CCDC93: variants seen among roughly 807,000 people sequenced by gnomAD.
The protein encoded by CCDC93 is CCC complex scaffolding subunit CCDC93.
A neutral mutation model predicts 108.2 loss-of-function variants in CCDC93; 61 were observed. The ratio of observed to expected loss-of-function variants is 0.56; its 90% CI spans 0.46 to 0.70. The LOEUF is 0.70. CCDC93 is among the 30% of genes least tolerant of loss of function. The pLI, the probability that CCDC93 is intolerant of heterozygous loss-of-function variation, is 0.00. For missense variants in CCDC93, 685 were observed against 764.2 expected, an observed-to-expected ratio of 0.90 and a Z score of 1.22; for synonymous variants, 276 against 260.4, an observed-to-expected ratio of 1.06 and a Z score of -0.58.
In CCDC93 at chr2:117,915,645, C is replaced by CT. The variant is rs1374012760; in HGVS notation, c.*4697_*4698insA. The CT allele has an allele frequency of 6.6e-6, 1 of 152,136 alleles. No individual in the cohort carries two copies. The highest frequency in any genetic ancestry group is 1.5e-5 in the Non-Finnish European group (1 of 68,020). 9.4% of individuals were successfully genotyped at this position (152,136 alleles called of 1,614,324 possible). On this transcript the variant is annotated 3_prime_UTR_variant, in exon 24 of 24. Transcript: ENST00000376300. ...AAATTCAAAAGGTACAAAAGGTGTA[C>CT]ATTGAAAAGTCATTCCCACCCCTCT...
intron 8 of CCDC93, among the ~76,000 whole-genome samples, chr2:117,976,846 G>A (rs1293087291): frequency 1.3e-5 from 2 of 151,180 alleles, no homozygotes; most frequent in Non-Finnish European, 3.0e-5. Flanking sequence ...GTACAATGGA[G>A]TGGGTGGCAG....
At chr2:118,011,069 C>T (rs894205094) in intron 1 of CCDC93, among the ~76,000 whole-genome samples, 31 of 152,106 alleles carry the variant, frequency 2.0e-4, no homozygotes, top group Admixed American at 1.5e-3. Flanking sequence ...GGGTTTACTC[C>T]TCTGAATCCA....
chr2:117,938,871 G>C (rs1343355941), intron 20 of CCDC93, among the ~76,000 whole-genome samples, 158 bp downstream of exon 20: 8 of 152,178 alleles, frequency 5.3e-5, no homozygotes, highest in Non-Finnish European at 1.5e-5. Context: ...AAGGAATCTT[G>C]CACTTTCTGA....
At chr2:117,973,702 G>T (rs911009705) in intron 11 of CCDC93, among the ~76,000 whole-genome samples, 1 of 152,206 alleles carries the variant, frequency 6.6e-6, no homozygotes, top group African/African-American at 2.4e-5. Flanking sequence ...ACAGAAAAGT[G>T]GGCACTGCAG....
At chr2:117,950,463 C>A (rs537603222) in intron 13 of CCDC93, 20 of 985,306 alleles carry the variant, frequency 2.0e-5, no homozygotes, top group South Asian at 4.7e-5. Context: ...CAGCCTCCCC[C>A]ACAGGTGTCA....
intron 3 of CCDC93, 60 bp from the exon 4 acceptor site, chr2:118,000,992 C>G (rs1680832793): frequency 9.9e-7 from 1 of 1,014,148 alleles, no homozygotes; most frequent in African/African-American, 1.6e-5. Flanking sequence ...TATGGCATCT[C>G]TAAAGTCTGG....
chr2:117,945,511 G>A lies in CCDC93; in HGVS notation c.1350+18C>T. 1 of 1,611,502 alleles carries A rather than the reference G, an allele frequency of 6.2e-7. No individual in the cohort carries two copies. The highest frequency in any genetic ancestry group is 8.5e-7 in the Non-Finnish European group (1 of 1,177,656). On this transcript the variant is annotated intron_variant, in intron 17 of 23. Transcript: ENST00000376300. Reference sequence around the variant, plus strand: ...GCCCTCAGGAGACAATGCCAGTCCTGAGCAGGCAGGTACTTACGTCATGAG... The same window carrying A: ...GCCCTCAGGAGACAATGCCAGTCCTAAGCAGGCAGGTACTTACGTCATGAG...
rs901639299 is a variant in CCDC93, at chr2:117,915,722, C to G, written c.*4621G>C. 9 of 152,174 alleles carry G rather than the reference C, an allele frequency of 5.9e-5. No homozygotes were observed. The highest frequency in any genetic ancestry group is 1.2e-4 in the African/African-American group (5 of 41,444). The allele number at this position is 152,174 out of a possible 1,614,324, so 9.4% of individuals were successfully genotyped here. A position where few individuals can be genotyped will look rare whatever the true frequency, so the allele number is the denominator to read the frequency against. Reference sequence around the variant, plus strand: ...CTGCTAGATATCCTCCCAGAGACATCCTAGGCATATGCAGGTGGACATATG... The same window carrying G: ...CTGCTAGATATCCTCCCAGAGACATGCTAGGCATATGCAGGTGGACATATG... On this transcript the variant is annotated 3_prime_UTR_variant, in exon 24 of 24. Coordinates refer to ENST00000376300, the MANE Select transcript of CCDC93 (RefSeq NM_019044.5).
chr2:117,972,608 AT>A (rs34350545), intron 11 of CCDC93, among the ~76,000 whole-genome samples: 134 of 145,432 alleles, frequency 9.2e-4, no homozygotes, highest in African/African-American at 2.5e-3. Context: ...TCCAGTTGTC[AT>A]TTTTTTTTTT....
At chr2:117,993,994 T>C (rs1425285496) in intron 6 of CCDC93, among the ~76,000 whole-genome samples, 1 of 152,152 alleles carries the variant, frequency 6.6e-6, no homozygotes, top group Non-Finnish European at 1.5e-5. Flanking sequence ...AGCCTTCCAG[T>C]GTGCTGGGAT....
At chr2:117,939,383 C>G (rs1678625562) in intron 19 of CCDC93, among the ~76,000 whole-genome samples, 2 of 152,186 alleles carry the variant, frequency 1.3e-5, no homozygotes. Flanking sequence ...CCACCCTTAC[C>G]TCATCCAGCC....
intron 7 of CCDC93, among the ~76,000 whole-genome samples, chr2:117,983,508 T>C (rs1252156112): frequency 6.6e-6 from 1 of 152,134 alleles, no homozygotes; most frequent in Non-Finnish European, 1.5e-5. Flanking sequence ...GAAAAGGTCA[T>C]ATCTGAGGGC....
chr2:117,937,794 T>G (rs186930201), intron 20 of CCDC93, among the ~76,000 whole-genome samples: 18 of 152,302 alleles, frequency 1.2e-4, no homozygotes, highest in Non-Finnish European at 1.9e-4. Flanking sequence ...TCCCATGAAA[T>G]GCATTCATCT....
At position 118,008,632 on chromosome 2, in the gene CCDC93, T is replaced by G. The variant is rs1573535617; in HGVS notation, c.69A>C (p.Gln23His). ...CCAGAATTTCAGTCAACTTGACATT[T>G]TGTTCTTCATCTTCTCTTGTTTCCA... ...PEVETREDEE[Q>H]NVKLTEILEL... is the part of the protein sequence containing the mutation. The change falls in exon 2 of 24, where the codon CAA becomes CAC. Residue 23 changes from glutamine (Q) to histidine (H), a missense_variant. Coordinates refer to ENST00000376300, the MANE Select transcript of CCDC93 (RefSeq NM_019044.5). The G allele has an allele frequency of 1.2e-6, 2 of 1,612,712 alleles. No homozygotes were observed. The highest frequency in any genetic ancestry group is 1.1e-5 in the South Asian group (1 of 90,874).
At chr2:117,966,716 A>G (rs751194392) in intron 11 of CCDC93, among the ~76,000 whole-genome samples, 16 of 152,336 alleles carry the variant, frequency 1.1e-4, no homozygotes, top group Non-Finnish European at 1.2e-4. Flanking sequence ...ATCCTTGACC[A>G]TACCCAAGCT....
intron 23 of CCDC93, among the ~76,000 whole-genome samples, chr2:117,930,211 C>A (rs1395744226): frequency 1.3e-5 from 2 of 152,266 alleles, no homozygotes; most frequent in South Asian, 2.1e-4. Flanking sequence ...ATTTTTTATT[C>A]TGCAGACCAA....
chr2:117,992,345 G>C (rs748859166), intron 6 of CCDC93, among the ~76,000 whole-genome samples: 3 of 152,092 alleles, frequency 2.0e-5, no homozygotes, highest in Admixed American at 1.3e-4. Context: ...CCAGGCTCAG[G>C]TGATCCTCCC....
At chr2:117,967,343 C>T (rs1334090391) in intron 11 of CCDC93, among the ~76,000 whole-genome samples, 2 of 152,198 alleles carry the variant, frequency 1.3e-5, no homozygotes, top group African/African-American at 4.8e-5. Context: ...GTGGTATTCT[C>T]CAGAAACATG....
In CCDC93 at chr2:117,918,787, G is replaced by A. The variant is rs1412870597; in HGVS notation, c.*1556C>T. 2.0e-5 allele frequency: 3 copies of A among 152,022 alleles called. No individual in the cohort carries two copies. Among genetic ancestry groups the A allele is most frequent in the African/African-American group, 4.8e-5 (2 of 41,434 alleles). 9.4% of individuals were successfully genotyped at this position (152,022 alleles called of 1,614,324 possible). The stretch of plus-strand genomic sequence containing the variant: ...TGGAGCTGCACATGACCCAAGAAGC[G>A]CTCGCAGGTGGCAGTTTCTATTTGC... On this transcript the variant is annotated 3_prime_UTR_variant, in exon 24 of 24. Transcript: ENST00000376300.
Sources: allele counts gnomAD v4.1 joint callset (sites outside exome capture counted in the v4.1 genomes callset), GRCh38; gene constraint gnomAD v4.1.1; transcripts MANE v1.5; gene names NCBI Gene and HGNC (gene_info 2026-07-23, HGNC 2026-07-21).